The following SLC12A8 variants were observed in gnomAD, a reference collection of about 807,000 sequenced individuals.
The protein encoded by SLC12A8 is cation-chloride cotransporter 9.
A neutral mutation model predicts 75.6 loss-of-function variants in SLC12A8; 69 were observed. That is an observed-to-expected ratio of 0.91 (90% CI 0.75 to 1.11). SLC12A8 has a LOEUF of 1.11. Ranked by LOEUF, SLC12A8 falls within the 50% of genes most tolerant of loss-of-function variation. The pLI is 0.00. For synonymous variants in SLC12A8, 365 were observed against 372.8 expected, an observed-to-expected ratio of 0.98 and a Z score of 0.24; for missense variants, 877 against 896.7, an observed-to-expected ratio of 0.98 and a Z score of 0.28.
At chr3:125,183,858 T>C (rs956976431) in intron 4 of SLC12A8, among the ~76,000 whole-genome samples, 5 of 152,008 alleles carry the variant, frequency 3.3e-5, no homozygotes, top group Admixed American at 6.5e-5. Context: ...ACAAAGAGTT[T>C]GGTCCCACAG....
chr3:125,090,387 A>G (rs1205271314), intron 12 of SLC12A8, among the ~76,000 whole-genome samples: 2 of 152,218 alleles, frequency 1.3e-5, no homozygotes, highest in Non-Finnish European at 2.9e-5. Flanking sequence ...AAAAGAACAT[A>G]TATTCTGCTG....
intron 13 of SLC12A8, 155 bp downstream of exon 13, chr3:125,088,155 G>T: frequency 3.1e-6 from 2 of 654,260 alleles, no homozygotes; most frequent in South Asian, 3.9e-5. Context: ...TGGAGTGCAC[G>T]CAGGAGCAAC....
Position 125,146,201 on chromosome 3 carries a change from G to T in SLC12A8, c.623-10419C>A, listed in dbSNP as rs142835789. ...CTGTTGACCGTGGATAGCTGCAACTGCAGAAAACAAAACTGTAGATAAGGG... is the reference window on the plus strand; with the variant it reads ...CTGTTGACCGTGGATAGCTGCAACTTCAGAAAACAAAACTGTAGATAAGGG... On this transcript the variant is annotated intron_variant, in intron 5 of 13. Coordinates refer to ENST00000469902, the MANE Select transcript of SLC12A8 (RefSeq NM_024628.6). 5.7e-3 allele frequency among the ~76,000 whole-genome samples: 868 copies of T among 152,310 alleles called. 6 individuals are homozygous for T. The highest frequency in any genetic ancestry group is 0.02 in the African/African-American group (827 of 41,552).
At chr3:125,209,085 T>C (rs764059541) in intron 2 of SLC12A8, among the ~76,000 whole-genome samples, 4 of 152,188 alleles carry the variant, frequency 2.6e-5, no homozygotes, top group Non-Finnish European at 4.4e-5. Flanking sequence ...AAGACTGGAA[T>C]AAAATTGTTC....
chr3:125,168,269 C>T (rs978112905), intron 5 of SLC12A8, among the ~76,000 whole-genome samples: 1 of 152,150 alleles, frequency 6.6e-6, no homozygotes, highest in African/African-American at 2.4e-5. Context: ...GATAGGCATT[C>T]AGATGATAAG....
intron 8 of SLC12A8, among the ~76,000 whole-genome samples, chr3:125,114,828 T>A (rs1397652683): frequency 2.6e-5 from 4 of 152,260 alleles, no homozygotes; most frequent in African/African-American, 7.2e-5. Context: ...GCCTTTTTTA[T>A]TTGTAATAAA....
At chr3:125,176,052 A>C (rs950455790) in intron 5 of SLC12A8, among the ~76,000 whole-genome samples, 1 of 147,124 alleles carries the variant, frequency 6.8e-6, no homozygotes, top group African/African-American at 2.4e-5. Context: ...TGCCAACCGA[A>C]TGCTGACCTT....
intron 4 of SLC12A8, among the ~76,000 whole-genome samples, chr3:125,186,501 G>GT (rs1934786304): frequency 6.6e-6 from 1 of 152,144 alleles, no homozygotes; most frequent in Non-Finnish European, 1.5e-5. Context: ...TCTTTAAACT[G>GT]TTTTTTCAAC....
At chr3:125,160,195 C>T (rs1427380660) in intron 5 of SLC12A8, among the ~76,000 whole-genome samples, 1 of 151,896 alleles carries the variant, frequency 6.6e-6, no homozygotes, top group Non-Finnish European at 1.5e-5. Context: ...CCTCCTACCT[C>T]AGCCTCCCAA....
intron 2 of SLC12A8, among the ~76,000 whole-genome samples, chr3:125,207,770 C>T (rs1255712809): frequency 6.6e-6 from 1 of 152,184 alleles, no homozygotes; most frequent in African/African-American, 2.4e-5. Context: ...GCTCATTAGC[C>T]TTCTGTTCAC....
intron 10 of SLC12A8, among the ~76,000 whole-genome samples, chr3:125,106,360 T>C (rs970408556): frequency 3.3e-5 from 5 of 151,630 alleles, no homozygotes; most frequent in African/African-American, 1.2e-4. Flanking sequence ...GGGTTTTTTG[T>C]TGTTGTTGTT....
intron 5 of SLC12A8, among the ~76,000 whole-genome samples, chr3:125,148,402 G>A (rs1332842333): frequency 1.3e-5 from 2 of 152,212 alleles, no homozygotes; most frequent in Admixed American, 1.3e-4. Context: ...CAGGGAGCAT[G>A]AAGATCCAGG....
chr3:125,140,214 G>A (rs768654521), intron 5 of SLC12A8, among the ~76,000 whole-genome samples: 14 of 152,208 alleles, frequency 9.2e-5, no homozygotes, highest in African/African-American at 1.7e-4. Context: ...AATGCTGAGC[G>A]ACCAGTGACT....
At chr3:125,147,102 A>G (rs992369473) in intron 5 of SLC12A8, among the ~76,000 whole-genome samples, 1 of 152,242 alleles carries the variant, frequency 6.6e-6, no homozygotes, top group Non-Finnish European at 1.5e-5. Flanking sequence ...CAGCGTCTCA[A>G]TATCAAGCAC....
intron 5 of SLC12A8, among the ~76,000 whole-genome samples, chr3:125,146,414 T>TA (rs1299454411): frequency 5.9e-5 from 9 of 152,174 alleles, no homozygotes; most frequent in Admixed American, 1.3e-4. Flanking sequence ...TAAAAACGGT[T>TA]AAAATGGCAA....
At chr3:125,212,372 C>G (rs1380201747) in intron 1 of SLC12A8, among the ~76,000 whole-genome samples, 1 of 152,138 alleles carries the variant, frequency 6.6e-6, no homozygotes, top group Non-Finnish European at 1.5e-5. Flanking sequence ...GGCCTCCGCT[C>G]GCCCTTCCCG....
At chr3:125,202,401 G>C (rs1249093096) in intron 2 of SLC12A8, among the ~76,000 whole-genome samples, 1 of 152,196 alleles carries the variant, frequency 6.6e-6, no homozygotes, top group Non-Finnish European at 1.5e-5. Flanking sequence ...AGGCCAGGCG[G>C]CCAGAGTAAA....
intron 6 of SLC12A8, among the ~76,000 whole-genome samples, chr3:125,125,600 A>T (rs1233482019): frequency 6.6e-6 from 1 of 152,196 alleles, no homozygotes; most frequent in East Asian, 1.9e-4. Flanking sequence ...ATTTAGAATC[A>T]TGATTCTTAA....
At chr3:125,154,084 A>G (rs1933995057) in intron 5 of SLC12A8, among the ~76,000 whole-genome samples, 1 of 152,146 alleles carries the variant, frequency 6.6e-6, no homozygotes, top group South Asian at 2.1e-4. Flanking sequence ...TATTATGGGG[A>G]AACTGAAGAC....
Sources: gnomAD v4.1 joint callset for allele counts (sites outside exome capture counted in the v4.1 genomes callset) on GRCh38, gnomAD v4.1.1 for gene constraint, MANE v1.5 for transcripts, NCBI Gene and HGNC (gene_info 2026-07-23, HGNC 2026-07-21) for gene names.